THSD7B: variants seen among roughly 807,000 people sequenced by gnomAD.
THSD7B encodes thrombospondin type 1 domain containing 7B.
In THSD7B, 138 loss-of-function variants were observed where a neutral mutation model predicts 213.6. The ratio of observed to expected loss-of-function variants is 0.65; its 90% CI spans 0.56 to 0.74. THSD7B has a LOEUF of 0.74. Among genes scored for constraint, THSD7B ranks in the 30% least tolerant of loss-of-function variants. THSD7B has a pLI of 0.00. For synonymous variants in THSD7B, 742 were observed against 687.0 expected, an observed-to-expected ratio of 1.08 and a Z score of -1.25; for missense variants, 1,931 against 1,991.5, an observed-to-expected ratio of 0.97 and a Z score of 0.58.
intron 17 of THSD7B, among the ~76,000 whole-genome samples, chr2:137,573,770 G>A (rs1355434122): frequency 2.0e-5 from 3 of 152,064 alleles, no homozygotes; most frequent in Non-Finnish European, 4.4e-5. Flanking sequence ...GAAAGGTTAA[G>A]TGGTTTGCAC....
chr2:137,230,825 CA>C (rs1299146974), intron 7 of THSD7B, among the ~76,000 whole-genome samples: 1 of 152,122 alleles, frequency 6.6e-6, no homozygotes, highest in Non-Finnish European at 1.5e-5. Context: ...TGAAAGAAGC[CA>C]ACTTTGTCTC....
At chr2:136,920,563 G>C (rs1377968951) in intron 2 of THSD7B, among the ~76,000 whole-genome samples, 4 of 152,156 alleles carry the variant, frequency 2.6e-5, no homozygotes, top group African/African-American at 9.7e-5. Context: ...TGGCCAAAAG[G>C]CTTCAATGAA....
chr2:137,430,778 G>A (rs942487558), intron 14 of THSD7B, among the ~76,000 whole-genome samples: 1 of 152,218 alleles, frequency 6.6e-6, no homozygotes, highest in African/African-American at 2.4e-5. Flanking sequence ...AGAGAGTGAC[G>A]TTGGTCCTGG....
chr2:137,158,027 G>A (rs1490122482), intron 5 of THSD7B, among the ~76,000 whole-genome samples: 1 of 152,140 alleles, frequency 6.6e-6, no homozygotes, highest in Non-Finnish European at 1.5e-5. Flanking sequence ...TTTATACAAT[G>A]CTCTGGCACA....
chr2:137,345,395 T>C (rs1347240075), intron 12 of THSD7B, among the ~76,000 whole-genome samples: 1 of 151,686 alleles, frequency 6.6e-6, no homozygotes, highest in Non-Finnish European at 1.5e-5. Context: ...AAGCTAGAAA[T>C]TTATGGCAAA....
intron 1 of THSD7B, among the ~76,000 whole-genome samples, chr2:136,786,417 C>T (rs949746233): frequency 2.6e-5 from 4 of 152,034 alleles, no homozygotes; most frequent in East Asian, 1.9e-4. Context: ...ATGATTCTTA[C>T]GTTTCTTTTA....
chr2:137,571,288 C>T lies in THSD7B; in HGVS notation c.3273-1118C>T, dbSNP rs7578394. ...TCACTCATATTCTTTCATTCATTCT[C>T]ATCACTTTATGGCATTTACTATAAT... On this transcript the variant is annotated intron_variant, in intron 16 of 27. Coordinates refer to ENST00000409968, the MANE Select transcript of THSD7B (RefSeq NM_001316349.2). Among the ~76,000 whole-genome samples, 1,045 of 152,270 alleles carry T rather than the reference C, an allele frequency of 6.9e-3. 6 individuals are homozygous for T. The highest frequency in any genetic ancestry group is 0.023 in the African/African-American group (973 of 41,540).
intron 3 of THSD7B, among the ~76,000 whole-genome samples, chr2:137,092,509 A>C (rs571204188): frequency 1.3e-5 from 2 of 152,294 alleles, no homozygotes; most frequent in Admixed American, 1.3e-4. Flanking sequence ...CAATGGCTTA[A>C]TGGGGGGTAT....
intron 6 of THSD7B, among the ~76,000 whole-genome samples, chr2:137,170,514 T>G (rs1207192751): frequency 1.3e-5 from 2 of 152,326 alleles, no homozygotes; most frequent in Non-Finnish European, 2.9e-5. Context: ...CTCCAACTCC[T>G]AGGTTGTAAA....
rs563494710 is a variant in THSD7B at position 136,772,771 on chromosome 2, GAGA to G, written c.-36+7089_-36+7091del. Among the ~76,000 whole-genome samples, 165 of 152,246 alleles carry G rather than the reference GAGA, an allele frequency of 1.1e-3. 1 individual carries two copies. The highest frequency in any genetic ancestry group is 3.6e-3 in the African/African-American group (151 of 41,550). ...GTCAAAGAGGACAACTTACTGAGAA[GAGA>G]AGAACTGTTCTTTAGTTGAGCATGT... On this transcript the variant is annotated intron_variant, in intron 1 of 27. Transcript: ENST00000409968.
At chr2:137,662,779 A>ACATGGTGGCTCACC (rs1683374495) in intron 25 of THSD7B, among the ~76,000 whole-genome samples, 1 of 152,132 alleles carries the variant, frequency 6.6e-6, no homozygotes, top group Non-Finnish European at 1.5e-5. Flanking sequence ...AGATGGCCAG[A>ACATGGTGGCTCACC]CATGGTGGCT....
At chr2:137,261,090 G>A (rs1385293575) in intron 10 of THSD7B, among the ~76,000 whole-genome samples, 1 of 152,110 alleles carries the variant, frequency 6.6e-6, no homozygotes, top group Non-Finnish European at 1.5e-5. Flanking sequence ...TGAGATTACA[G>A]GTGTGAGCCA....
In THSD7B at chr2:137,115,212, G is replaced by T; in HGVS notation, c.1288G>T (p.Val430Leu). 22 of 1,613,746 alleles carry T rather than the reference G, an allele frequency of 1.4e-5. No individual in the cohort carries two copies. The highest frequency in any genetic ancestry group is 1.9e-5 in the Non-Finnish European group (22 of 1,179,772). ...TCCCCACTGGCATGTGACGGGACCC[G>T]TGTGTGGCGGTGGGATCCAGACCCG... ...QDPHWHVTGP[V>L]CGGGIQTREV... Residue 430 changes from valine to leucine, a missense_variant, in exon 5 of 28, where the codon GTG becomes TTG. By Grantham distance (32) the Val-to-Leu change is conservative. Transcript: ENST00000409968.
rs567490022 is a variant in THSD7B at position 137,463,505 on chromosome 2, A to G, written c.3138+12482A>G. Reference sequence around the variant, plus strand: ...ATATAACATGCTGCCCCTACCTTCCATCACTCCCCCCATTTACCCTTCTGT... The same window carrying G: ...ATATAACATGCTGCCCCTACCTTCCGTCACTCCCCCCATTTACCCTTCTGT... On this transcript the variant is annotated intron_variant, in intron 15 of 27. Coordinates refer to ENST00000409968, the MANE Select transcript of THSD7B (RefSeq NM_001316349.2). Among the ~76,000 whole-genome samples the G allele has an allele frequency of 3.3e-5, 5 of 151,886 alleles. No individual in the cohort carries two copies. In the South Asian group the frequency reaches 1.0e-3, roughly 32 times the overall value.
At chr2:137,280,838 C>T (rs1321578550) in intron 12 of THSD7B, among the ~76,000 whole-genome samples, 3 of 151,986 alleles carry the variant, frequency 2.0e-5, no homozygotes, top group African/African-American at 7.3e-5. Flanking sequence ...AAAGAAAAGC[C>T]GAGATGCTGT....
intron 5 of THSD7B, among the ~76,000 whole-genome samples, chr2:137,119,990 G>A (rs139527290): frequency 1.3e-5 from 2 of 152,292 alleles, no homozygotes; most frequent in East Asian, 3.9e-4. Context: ...TCATTTGGGT[G>A]TGAGAATAAG....
rs866470850 is a variant in THSD7B at position 137,442,775 on chromosome 2, C to T, written c.2960-8070C>T. Among the ~76,000 whole-genome samples, 7 of 152,024 alleles carry T rather than the reference C, an allele frequency of 4.6e-5. No homozygotes were observed. In the South Asian group the frequency reaches 1.2e-3, roughly 27 times the overall value. ...TATTTGGAGAATAGCCTGATGAATA[C>T]AAGATATGCTCAGAAATCAGCTTTC... On this transcript the variant is annotated intron_variant, in intron 14 of 27. Transcript: ENST00000409968.
intron 3 of THSD7B, among the ~76,000 whole-genome samples, chr2:137,073,614 T>G (rs1351660006): frequency 6.6e-6 from 1 of 152,230 alleles, no homozygotes; most frequent in Non-Finnish European, 1.5e-5. Flanking sequence ...AGTTATTTCT[T>G]GCCTTCTGCT....
chr2:137,159,481 GAAAA>G (rs141643853), intron 5 of THSD7B, among the ~76,000 whole-genome samples: 4,316 of 150,062 alleles, frequency 0.029, 232 homozygotes, highest in African/African-American at 0.098. Context: ...AAAATAAAAA[GAAAA>G]AAAAAGCATC....
Sources: allele counts gnomAD v4.1 joint callset (sites outside exome capture counted in the v4.1 genomes callset), GRCh38; gene constraint gnomAD v4.1.1; transcripts MANE v1.5; gene names NCBI Gene and HGNC (gene_info 2026-07-23, HGNC 2026-07-21).